The following LRP1B variants were observed in gnomAD, a reference collection of about 807,000 sequenced individuals.
LRP1B encodes LDL receptor related protein 1B.
In LRP1B, 217 loss-of-function variants were observed where a neutral mutation model predicts 556.6. The observed-to-expected ratio is 0.39, with a 90% CI of 0.35 to 0.44. The LOEUF (loss-of-function observed/expected upper bound fraction) is 0.44, where lower values mean the gene tolerates loss of function less well. LRP1B is among the 20% of genes least tolerant of loss of function. LRP1B has a pLI of 1.00. For missense variants in LRP1B, 5,053 were observed against 5,620.8 expected (o/e 0.90, Z 3.23); for synonymous variants, 2,047 against 1,865.8 (o/e 1.10, Z -2.50).
chr2:141,985,445 A>G (rs1702159816), intron 1 of LRP1B, among the ~76,000 whole-genome samples: 1 of 152,140 alleles, frequency 6.6e-6, no homozygotes, highest in Non-Finnish European at 1.5e-5. Context: ...TCTTCAAATT[A>G]TAAAGAACAA....
intron 1 of LRP1B, among the ~76,000 whole-genome samples, chr2:141,920,363 T>C (rs192091152): frequency 6.6e-6 from 1 of 151,406 alleles, no homozygotes; most frequent in East Asian, 2.0e-4. Context: ...TAATCACATA[T>C]AACACGATGG....
chr2:142,039,748 C>T (rs1338226544), intron 1 of LRP1B, among the ~76,000 whole-genome samples: 1 of 151,502 alleles, frequency 6.6e-6, no homozygotes, highest in Non-Finnish European at 1.5e-5. Context: ...TTTGACTTTG[C>T]TTCTGTCATT....
chr2:141,001,794 G>A (rs1349452591), intron 15 of LRP1B, among the ~76,000 whole-genome samples: 3 of 152,136 alleles, frequency 2.0e-5, no homozygotes, highest in East Asian at 1.9e-4. Flanking sequence ...GCGTGCGCAC[G>A]CATATGCATG....
chr2:140,949,182 T>C (rs938555850), intron 20 of LRP1B, among the ~76,000 whole-genome samples: 2 of 152,226 alleles, frequency 1.3e-5, no homozygotes, highest in Admixed American at 1.3e-4. Context: ...AGATGCCATA[T>C]GTTTTCATCC....
intron 43 of LRP1B, among the ~76,000 whole-genome samples, chr2:140,555,783 G>A (rs189974021): frequency 9.6e-4 from 146 of 152,106 alleles, no homozygotes; most frequent in African/African-American, 2.9e-3. Context: ...TATGCTTAGA[G>A]GTAAAACTAA....
rs576009786 is a variant in LRP1B at position 140,715,978 on chromosome 2, C to T, written c.6018G>A (p.Glu2006=). The change falls in exon 37 of 91, where the codon GAG becomes GAA. Residue 2006 remains glutamate, a synonymous_variant. Transcript: ENST00000389484. ...DQPRSIAVHP[E]KGLLFWTEWG... ...TACGTAAATCTTAAAATTACCCTTT[C>T]TCTGGGTGCACAGCTATAGATCTTG... 2 of 1,574,646 alleles carry T rather than the reference C, an allele frequency of 1.3e-6. No individual in the cohort carries two copies. The highest frequency in any genetic ancestry group is 1.2e-5 in the South Asian group (1 of 84,062).
chr2:141,809,206 C>T (rs942236002), intron 2 of LRP1B, among the ~76,000 whole-genome samples: 1 of 152,034 alleles, frequency 6.6e-6, no homozygotes, highest in East Asian at 1.9e-4. Context: ...CAGGTATTCA[C>T]CTTTTGAGAA....
chr2:141,760,048 C>A (rs934550552), intron 2 of LRP1B, among the ~76,000 whole-genome samples: 4 of 151,980 alleles, frequency 2.6e-5, no homozygotes, highest in Non-Finnish European at 5.9e-5. Context: ...AGAACCACTG[C>A]CTCAATGTCA....
intron 32 of LRP1B, among the ~76,000 whole-genome samples, chr2:140,812,600 C>A (rs1168635658): frequency 1.3e-5 from 2 of 150,358 alleles, no homozygotes; most frequent in Non-Finnish European, 3.0e-5. Context: ...AATAAAACAA[C>A]AACAACATCA....
rs569242112 is a variant in LRP1B at position 141,860,415 on chromosome 2, C to A, written c.83-50014G>T. 6.6e-5 allele frequency among the ~76,000 whole-genome samples: 10 copies of A among 152,178 alleles called. No homozygotes were observed. In the South Asian group the frequency reaches 1.9e-3, roughly 28 times the overall value. On this transcript the variant is annotated intron_variant, in intron 1 of 90. Transcript: ENST00000389484. ...TTCAAAGTAATTAAATTATTTAATT[C>A]TTTAAGCTTTCTAGAAAGTCTGAAT...
At chr2:141,042,778 A>G (rs1300377255) in intron 11 of LRP1B, among the ~76,000 whole-genome samples, 1 of 152,040 alleles carries the variant, frequency 6.6e-6, no homozygotes, top group Non-Finnish European at 1.5e-5. Context: ...CATTGATTTT[A>G]TTATCACAAA....
intron 49 of LRP1B, among the ~76,000 whole-genome samples, chr2:140,518,869 T>A (rs1301364614): frequency 6.6e-6 from 1 of 152,224 alleles, no homozygotes; most frequent in African/African-American, 2.4e-5. Flanking sequence ...AATCACGTCA[T>A]CTGCAAACAC....
chr2:140,836,799 T>G (rs1691919739), intron 31 of LRP1B, among the ~76,000 whole-genome samples: 1 of 152,218 alleles, frequency 6.6e-6, no homozygotes, highest in Non-Finnish European at 1.5e-5. Flanking sequence ...ACACAGCTTT[T>G]CATTACGCAT....
At chr2:140,298,073 A>C in intron 83 of LRP1B, 104 bp from the exon 84 acceptor site, 1 of 1,055,400 alleles carries the variant, frequency 9.5e-7, no homozygotes, top group Non-Finnish European at 1.4e-6. Context: ...TTTCTGGTCA[A>C]GGTCTGTCCA....
chr2:141,814,662 A>C (rs1558894252), intron 1 of LRP1B, among the ~76,000 whole-genome samples: 1 of 152,212 alleles, frequency 6.6e-6, no homozygotes, highest in Non-Finnish European at 1.5e-5. Flanking sequence ...ATGACTTTCT[A>C]ACCATTTAAA....
chr2:141,047,118 C>A (rs983229752), intron 11 of LRP1B, among the ~76,000 whole-genome samples: 1 of 150,232 alleles, frequency 6.7e-6, no homozygotes. Context: ...AACAAAACAA[C>A]GTAAATTTTA....
intron 88 of LRP1B, 96 bp downstream of exon 88, chr2:140,239,346 A>G (rs1050536831): frequency 2.2e-5 from 16 of 719,818 alleles, no homozygotes; most frequent in African/African-American, 3.6e-5. Context: ...TGGCATAACT[A>G]AATCATGTTT....
At chr2:140,885,799 TAAA>T (rs3063639) in intron 24 of LRP1B, among the ~76,000 whole-genome samples, 2,943 of 144,656 alleles carry the variant, frequency 0.02, 85 homozygotes, top group African/African-American at 0.067. Flanking sequence ...GTAGCAAAAT[TAAA>T]AAAAAAAAAA....
intron 2 of LRP1B, among the ~76,000 whole-genome samples, chr2:141,533,318 G>A (rs1684954906): frequency 7.2e-6 from 1 of 139,484 alleles, no homozygotes; most frequent in Non-Finnish European, 1.6e-5. Flanking sequence ...GTGCGTGAAA[G>A]ACAACAAATT....
Sources: allele counts gnomAD v4.1 joint callset (sites outside exome capture counted in the v4.1 genomes callset), GRCh38; gene constraint gnomAD v4.1.1; transcripts MANE v1.5; gene names NCBI Gene and HGNC (gene_info 2026-07-23, HGNC 2026-07-21).